LSAMP: variants seen among roughly 807,000 people sequenced by gnomAD.
LSAMP encodes the protein limbic system-associated membrane protein.
In LSAMP, 7 loss-of-function variants were observed where a neutral mutation model predicts 38.6. The ratio of observed to expected loss-of-function variants is 0.18; its 90% CI spans 0.10 to 0.34. The LOEUF is 0.34. LSAMP is among the 10% of genes least tolerant of loss of function. The pLI, the probability that LSAMP is intolerant of heterozygous loss-of-function variation, is 1.00. For synonymous variants in LSAMP, 154 were observed against 166.8 expected (o/e 0.92, Z 0.59); for missense variants, 313 against 420.0 (o/e 0.75, Z 2.23).
chr3:115,974,408 A>T (rs1202548546), intron 3 of LSAMP, among the ~76,000 whole-genome samples: 1 of 152,134 alleles, frequency 6.6e-6, no homozygotes, highest in African/African-American at 2.4e-5. Context: ...TGATAGTGAC[A>T]ACTAAAATGA....
At position 115,986,487 on chromosome 3, in the gene LSAMP, T is replaced by A. The variant is rs72957772; in HGVS notation, c.514+33028A>T. Among the ~76,000 whole-genome samples the A allele has an allele frequency of 3.9e-3, 600 of 152,208 alleles. 3 individuals carry two copies. Among genetic ancestry groups the A allele is most frequent in the African/African-American group, 0.012 (496 of 41,552 alleles). ...GAATTTCTGGGAAAAACATATGCTT[T>A]TTGAATTTTTATTTAATTGAGAAAT... On this transcript the variant is annotated intron_variant, in intron 3 of 6. Coordinates refer to ENST00000490035, the MANE Select transcript of LSAMP (RefSeq NM_002338.5).
chr3:115,928,209 T>A (rs951509325), intron 3 of LSAMP, among the ~76,000 whole-genome samples: 2 of 152,242 alleles, frequency 1.3e-5, no homozygotes, highest in African/African-American at 2.4e-5. Context: ...GAATCTCTGG[T>A]CTTTTTACTT....
At chr3:116,004,691 T>G (rs1424025044) in intron 3 of LSAMP, among the ~76,000 whole-genome samples, 1 of 152,032 alleles carries the variant, frequency 6.6e-6, no homozygotes. Flanking sequence ...TTTTATACTA[T>G]TTCTTGCCCA....
intron 3 of LSAMP, among the ~76,000 whole-genome samples, chr3:115,946,819 AT>A (rs1199494816): frequency 2.0e-5 from 3 of 152,124 alleles, no homozygotes; most frequent in Admixed American, 1.3e-4. Flanking sequence ...CTGACCAAAA[AT>A]ATACGAATAA....
intron 3 of LSAMP, among the ~76,000 whole-genome samples, chr3:115,953,794 C>T (rs1489924011): frequency 6.6e-6 from 1 of 152,224 alleles, no homozygotes; most frequent in Non-Finnish European, 1.5e-5. Context: ...TGTGCTGTAA[C>T]CACATTGTCC....
intron 3 of LSAMP, among the ~76,000 whole-genome samples, chr3:115,948,419 A>G (rs902232802): frequency 2.0e-5 from 3 of 152,212 alleles, no homozygotes; most frequent in Non-Finnish European, 4.4e-5. Context: ...AAATGAAATC[A>G]TATCAAGTAT....
intron 3 of LSAMP, among the ~76,000 whole-genome samples, chr3:116,003,135 A>C (rs1347169958): frequency 1.3e-5 from 2 of 152,180 alleles, no homozygotes; most frequent in African/African-American, 4.8e-5. Flanking sequence ...AGTAATGAGA[A>C]AGTTCTATGA....
chr3:116,418,458 T>C (rs1338528335), intron 1 of LSAMP, among the ~76,000 whole-genome samples: 3 of 152,084 alleles, frequency 2.0e-5, no homozygotes, highest in African/African-American at 7.3e-5. Context: ...CTACAAATTC[T>C]TGTTGATCAT....
chr3:116,133,444 C>T (rs1474989169), intron 1 of LSAMP, among the ~76,000 whole-genome samples: 1 of 151,876 alleles, frequency 6.6e-6, no homozygotes, highest in Non-Finnish European at 1.5e-5. Flanking sequence ...TGTGTGGCAC[C>T]ATGCCTGGCT....
chr3:116,381,404 T>C (rs2048556722), intron 1 of LSAMP, among the ~76,000 whole-genome samples: 1 of 152,112 alleles, frequency 6.6e-6, no homozygotes, highest in Non-Finnish European at 1.5e-5. Flanking sequence ...GGGTTGTATA[T>C]GGAATGATGG....
chr3:116,126,660 G>C (rs936071714), intron 1 of LSAMP, among the ~76,000 whole-genome samples: 1 of 152,098 alleles, frequency 6.6e-6, no homozygotes, highest in African/African-American at 2.4e-5. Flanking sequence ...CCAGGAGGTC[G>C]AGACCAGTCT....
chr3:116,043,142 G>T (rs1006532934), intron 2 of LSAMP, among the ~76,000 whole-genome samples: 1 of 152,100 alleles, frequency 6.6e-6, no homozygotes, highest in African/African-American at 2.4e-5. Context: ...TTGAGATGCT[G>T]TTCCACTTAA....
chr3:116,158,410 C>G (rs1456940879), intron 1 of LSAMP, among the ~76,000 whole-genome samples: 2 of 152,136 alleles, frequency 1.3e-5, no homozygotes, highest in African/African-American at 2.4e-5. Context: ...CAAAGTATCT[C>G]TGTTTGCAGG....
intron 1 of LSAMP, among the ~76,000 whole-genome samples, chr3:116,300,743 C>T (rs1478373389): frequency 3.3e-5 from 5 of 152,070 alleles, no homozygotes; most frequent in South Asian, 2.1e-4. Flanking sequence ...GTGGAAAAAT[C>T]GCCTTCTATG....
At chr3:116,391,207 G>A (rs896438992) in intron 1 of LSAMP, among the ~76,000 whole-genome samples, 1 of 152,142 alleles carries the variant, frequency 6.6e-6, no homozygotes, top group Non-Finnish European at 1.5e-5. Flanking sequence ...GCAGCGGACC[G>A]TCTGGAGCGG....
chr3:116,042,674 C>T (rs1941201546), intron 2 of LSAMP, among the ~76,000 whole-genome samples: 1 of 152,042 alleles, frequency 6.6e-6, no homozygotes, highest in Non-Finnish European at 1.5e-5. Flanking sequence ...GTGATCCACC[C>T]GCCTTGGCCT....
intron 1 of LSAMP, among the ~76,000 whole-genome samples, chr3:116,354,845 A>ATGTGTGTGTGTGTGTGTG (rs56975134): frequency 6.8e-6 from 1 of 146,320 alleles, no homozygotes; most frequent in African/African-American, 2.5e-5. Flanking sequence ...GGGTGTATAT[A>ATGTGTGTGTGTGTGTGTG]TGTGTGTGTG....
intron 3 of LSAMP, among the ~76,000 whole-genome samples, chr3:115,854,734 C>A (rs1346371950): frequency 6.6e-6 from 1 of 152,122 alleles, no homozygotes; most frequent in Non-Finnish European, 1.5e-5. Context: ...CATATTGTTT[C>A]TATGCACTAA....
chr3:116,345,269 G>A (rs1201609392), intron 1 of LSAMP, among the ~76,000 whole-genome samples: 1 of 152,144 alleles, frequency 6.6e-6, no homozygotes, highest in South Asian at 2.1e-4. Flanking sequence ...CTGAGTATGA[G>A]ATATCAACCT....
Sources: allele counts gnomAD v4.1 joint callset (sites outside exome capture counted in the v4.1 genomes callset), GRCh38; gene constraint gnomAD v4.1.1; transcripts MANE v1.5; gene names NCBI Gene and HGNC (gene_info 2026-07-23, HGNC 2026-07-21).